The following MAP2 variants were observed in gnomAD, a reference collection of about 807,000 sequenced individuals.
MAP2 encodes the protein microtubule associated protein 2, also known as microtubule-associated protein 2.
MAP2 carries 14 observed loss-of-function variants against 137.6 expected under a neutral mutation model. The ratio of observed to expected loss-of-function variants is 0.10; its 90% confidence interval spans 0.07 to 0.16. The LOEUF (loss-of-function observed/expected upper bound fraction) is 0.16, where lower values mean the gene tolerates loss of function less well. Among genes scored for constraint, MAP2 ranks in the 10% least tolerant of loss-of-function variants. MAP2 has a pLI of 1.00. For missense variants in MAP2, 2,088 were observed against 2,191.5 expected, an observed-to-expected ratio of 0.95 and a Z score of 0.94; for synonymous variants, 786 against 782.3, an observed-to-expected ratio of 1.00 and a Z score of -0.08.
At chr2:209,596,350 ACAC>A (rs2081297958) in intron 3 of MAP2, among the ~76,000 whole-genome samples, 1 of 152,218 alleles carries the variant, frequency 6.6e-6, no homozygotes, top group Non-Finnish European at 1.5e-5. Context: ...CAGACAAAGC[ACAC>A]CACGTGAATG....
intron 4 of MAP2, among the ~76,000 whole-genome samples, chr2:209,649,189 ATT>A (rs969575855): frequency 6.9e-6 from 1 of 145,128 alleles, no homozygotes; most frequent in Non-Finnish European, 1.5e-5. Flanking sequence ...TTAAAAAAAA[ATT>A]TTTTTGTAGA....
intron 4 of MAP2, among the ~76,000 whole-genome samples, chr2:209,629,768 C>G (rs996601320): frequency 1.3e-5 from 2 of 152,130 alleles, no homozygotes; most frequent in African/African-American, 4.8e-5. Flanking sequence ...AGAGGGATCT[C>G]TCATGGTTAA....
intron 1 of MAP2, among the ~76,000 whole-genome samples, chr2:209,489,369 C>G (rs1399719824): frequency 6.6e-6 from 1 of 152,110 alleles, no homozygotes; most frequent in African/African-American, 2.4e-5. Flanking sequence ...TCCCAAATAC[C>G]AGAACACTTC....
At chr2:209,585,665 T>G (rs1441698033) in intron 3 of MAP2, among the ~76,000 whole-genome samples, 1 of 152,192 alleles carries the variant, frequency 6.6e-6, no homozygotes, top group Non-Finnish European at 1.5e-5. Flanking sequence ...ACCTAAAGTT[T>G]GGACATTTTA....
At chr2:209,690,752 G>A (rs888066574) in intron 7 of MAP2, 3 of 1,289,648 alleles carry the variant, frequency 2.3e-6, no homozygotes, top group East Asian at 5.6e-5. Flanking sequence ...AATAGTTCCC[G>A]AAGAGAGTGC....
chr2:209,717,752 G>T lies in MAP2; in HGVS notation c.5073+7498G>T, dbSNP rs181683065. On this transcript the variant is annotated intron_variant, in intron 13 of 15. Transcript: ENST00000682079. The stretch of plus-strand genomic sequence containing the variant: ...CATCAAACATTTACTAAGATTGCTG[G>T]GCATTAAATGACAAAAGGGCAATGG... Among the ~76,000 whole-genome samples the T allele has an allele frequency of 1.8e-4, 28 of 152,166 alleles. No homozygotes were observed. In the East Asian group the frequency reaches 5.4e-3, roughly 29 times the overall value.
At chr2:209,719,976 C>A (rs962975468) in intron 13 of MAP2, among the ~76,000 whole-genome samples, 21 of 152,124 alleles carry the variant, frequency 1.4e-4, no homozygotes, top group African/African-American at 5.1e-4. Context: ...AAAGAATAAT[C>A]TGTTACAGAC....
At chr2:209,702,781 A>G (rs116671865) in intron 11 of MAP2, among the ~76,000 whole-genome samples, 1,888 of 152,104 alleles carry the variant, frequency 0.012, 29 homozygotes, top group African/African-American at 0.043. Context: ...TACACTTCCC[A>G]CTCAAGATAC....
At chr2:209,633,357 T>C (rs2093276740) in intron 4 of MAP2, among the ~76,000 whole-genome samples, 1 of 152,162 alleles carries the variant, frequency 6.6e-6, no homozygotes. Context: ...TTTAAATGTA[T>C]CTGCACTATA....
intron 14 of MAP2, among the ~76,000 whole-genome samples, chr2:209,727,163 C>T (rs1473075666): frequency 6.6e-6 from 1 of 152,216 alleles, no homozygotes; most frequent in African/African-American, 2.4e-5. Flanking sequence ...GATGTCTTCA[C>T]TTACAGTTTC....
intron 4 of MAP2, among the ~76,000 whole-genome samples, chr2:209,638,408 C>A (rs1313889554): frequency 6.6e-6 from 1 of 152,076 alleles, no homozygotes; most frequent in Non-Finnish European, 1.5e-5. Context: ...ACTTAGAATT[C>A]CTCTGAATCA....
rs528890541 is a variant in MAP2 at position 209,660,796 on chromosome 2, C to T, written c.262+7364C>T. Among the ~76,000 whole-genome samples the T allele has an allele frequency of 2.0e-5, 3 of 147,632 alleles. No homozygotes were observed. The Admixed American group carries it at 2.0e-4, about 10-fold the overall frequency. On this transcript the variant is annotated intron_variant, in intron 5 of 15. Transcript: ENST00000682079. ...TCGCCCAGGCTGGAGTGCAGTGGCG[C>T]GATCTCGGCTCACTGCAAGCTCCGC...
intron 2 of MAP2, among the ~76,000 whole-genome samples, chr2:209,535,558 C>CTT (rs1325695071): frequency 1.9e-3 from 267 of 137,698 alleles, no homozygotes; most frequent in African/African-American, 6.6e-3. Context: ...GGCAAAGTGT[C>CTT]TTTTTTTTTT....
At chr2:209,647,941 A>G (rs1003365837) in intron 4 of MAP2, among the ~76,000 whole-genome samples, 2 of 152,174 alleles carry the variant, frequency 1.3e-5, no homozygotes, top group African/African-American at 4.8e-5. Context: ...ACTCAGATTC[A>G]TAACTAACAT....
rs952017696 is a variant in MAP2 at position 209,695,782 on chromosome 2, C to G, written c.3612C>G (p.Ser1204Arg). ...MEFIQGPKEE[S>R]KETPDISITP... ...TTATTCAGGGGCCAAAAGAAGAAAGCAAAGAGACCCCAGATATATCCATCA... is the reference window on the plus strand; with the variant it reads ...TTATTCAGGGGCCAAAAGAAGAAAGGAAAGAGACCCCAGATATATCCATCA... The change falls in exon 8 of 16, where the codon AGC (serine) becomes AGG (arginine). Residue 1204 changes from serine (S) to arginine (R), a missense_variant. By Grantham distance (110) the Ser-to-Arg change is moderately radical. This residue lies in a region of MAP2 where 591 missense variants were observed against 642.6 expected (regional missense o/e 0.92). Coordinates refer to ENST00000682079, the MANE Select transcript of MAP2 (RefSeq NM_001375505.1). The G allele has an allele frequency of 1.2e-6, 2 of 1,613,842 alleles. No individual in the cohort carries two copies. Among genetic ancestry groups the G allele is most frequent in the Non-Finnish European group, 1.7e-6 (2 of 1,179,956 alleles).
At chr2:209,424,321 C>A (rs1325670388) in intron 1 of MAP2, 45 bp downstream of exon 1, 1 of 152,234 alleles carries the variant, frequency 6.6e-6, no homozygotes, top group Non-Finnish European at 1.5e-5. Flanking sequence ...GGCGCCTCTC[C>A]TTTTGCCTCG....
At chr2:209,453,775 CTCACA>C (rs1451880882) in intron 1 of MAP2, among the ~76,000 whole-genome samples, 1 of 144,322 alleles carries the variant, frequency 6.9e-6, no homozygotes, top group African/African-American at 2.9e-5. Flanking sequence ...AGTGATATTT[CTCACA>C]TGAGTCACTA....
chr2:209,462,281 A>G (rs898101002), intron 1 of MAP2, among the ~76,000 whole-genome samples: 2 of 152,204 alleles, frequency 1.3e-5, no homozygotes, highest in African/African-American at 4.8e-5. Flanking sequence ...TTATCGGGCA[A>G]GATCAGAAAA....
chr2:209,622,655 TTAAAG>T (rs1175360282), intron 3 of MAP2, among the ~76,000 whole-genome samples: 1 of 151,806 alleles, frequency 6.6e-6, no homozygotes, highest in Admixed American at 6.6e-5. Flanking sequence ...AAAATTAGTG[TTAAAG>T]TAATTTAATG....
Sources: allele counts gnomAD v4.1 joint callset (sites outside exome capture counted in the v4.1 genomes callset), GRCh38; gene constraint gnomAD v4.1.1; regional missense constraint gnomAD v4.1.1; transcripts MANE v1.5; gene names NCBI Gene and HGNC (gene_info 2026-07-23, HGNC 2026-07-21).